KLF6: variants seen among roughly 807,000 people sequenced by gnomAD.
KLF6 encodes Krueppel-like factor 6.
For missense variants in KLF6, 233 were observed against 359.8 expected (o/e 0.65, Z 2.85); for synonymous variants, 152 against 147.9 (o/e 1.03, Z -0.20).
intron 1 of KLF6, chr10:3,783,140 A>T (rs1259187229): frequency 6.6e-6 from 1 of 152,204 alleles, no homozygotes; most frequent in Non-Finnish European, 1.5e-5. Context: ...TCTCATCAGC[A>T]GCCAAATAAG....
chr10:3,776,090 C>T lies in KLF6; in HGVS notation c.*3449G>A. On this transcript the variant is annotated 3_prime_UTR_variant, in exon 4 of 4. Transcript: ENST00000497571. ...CTCTGGCCTGGAGTCCCTCTGCCTCCTCCACCCCTCCCAGACATGCCTCAG... is the reference window on the plus strand; with the variant it reads ...CTCTGGCCTGGAGTCCCTCTGCCTCTTCCACCCCTCCCAGACATGCCTCAG... 1.9e-6 allele frequency: 1 copy of T among 529,258 alleles called. No individual in the cohort carries two copies. Among genetic ancestry groups the T allele is most frequent in the Non-Finnish European group, 3.7e-6 (1 of 272,978 alleles). 32.8% of individuals were successfully genotyped at this position (529,258 alleles called of 1,614,324 possible).
chr10:3,777,931 T>C lies in KLF6; in HGVS notation c.*1608A>G. ...TACATTAACATTGGGGGTTTTTTAA[T>C]ACTTCTGTATCTTTAATATGTGTGA... On this transcript the variant is annotated 3_prime_UTR_variant, in exon 4 of 4. Coordinates refer to ENST00000497571, the MANE Select transcript of KLF6 (RefSeq NM_001300.6). 1 of 489,354 alleles carries C rather than the reference T, an allele frequency of 2.0e-6. No homozygotes were observed. Among genetic ancestry groups the C allele is most frequent in the Non-Finnish European group, 4.0e-6 (1 of 248,410 alleles). The allele number at this position is 489,354 out of a possible 1,614,324, so 30.3% of individuals were successfully genotyped here.
chr10:3,777,758 TAATA>T lies in KLF6; in HGVS notation c.*1777_*1780del, dbSNP rs1832424869. 3.5e-6 allele frequency: 1 copy of T among 284,092 alleles called. No homozygotes were observed. Among genetic ancestry groups the T allele is most frequent in the Non-Finnish European group, 6.7e-6 (1 of 150,358 alleles). The allele number at this position is 284,092 out of a possible 1,614,324, so 17.6% of individuals were successfully genotyped here. A position where few individuals can be genotyped will look rare whatever the true frequency, so the allele number is the denominator to read the frequency against. On this transcript the variant is annotated 3_prime_UTR_variant, in exon 4 of 4. Transcript: ENST00000497571. The stretch of plus-strand genomic sequence containing the variant: ...AATATTTATATATTATCTATATATA[TAATA>T]TATATATATACACACATACACATAC...
rs1039131163 is a variant in KLF6 at position 3,780,541 on chromosome 10, G to A, written c.677-312C>T. 2.3e-5 allele frequency: 10 copies of A among 443,904 alleles called. No homozygotes were observed. Among genetic ancestry groups the A allele is most frequent in the African/African-American group, 8.0e-5 (4 of 49,958 alleles). 27.5% of individuals were successfully genotyped at this position (443,904 alleles called of 1,614,324 possible). ...TTGCGGGATGAGGTGTCAGCCTGCC[G>A]GACCCACAGCCCCGGCAAAGGCAGA... On this transcript the variant is annotated intron_variant, in intron 2 of 3. Coordinates refer to ENST00000497571, the MANE Select transcript of KLF6 (RefSeq NM_001300.6). The surrounding 1 kb of genome is among the most constrained non-coding windows in gnomAD (Gnocchi z 4.6).
At position 3,776,530 on chromosome 10, in the gene KLF6, A is replaced by C. The variant is rs532715241; in HGVS notation, c.*3009T>G. The C allele has an allele frequency of 1.1e-3, 575 of 522,096 alleles. 3 individuals are homozygous for C. Among genetic ancestry groups the C allele is most frequent in the African/African-American group, 4.2e-3 (224 of 53,126 alleles). 32.3% of individuals were successfully genotyped at this position (522,096 alleles called of 1,614,324 possible). On this transcript the variant is annotated 3_prime_UTR_variant, in exon 4 of 4. Coordinates refer to ENST00000497571, the MANE Select transcript of KLF6 (RefSeq NM_001300.6). Reference sequence around the variant, plus strand: ...TCTGTTCCAACAACCCCCTTCCCCCAAAAAAAACAACCAGACTCAAGATGC... The same window carrying C: ...TCTGTTCCAACAACCCCCTTCCCCCCAAAAAAACAACCAGACTCAAGATGC...
Position 3,777,267 on chromosome 10 carries a change from GAAATATCAGCTGTC to G in KLF6, c.*2258_*2271del. ...CACACCCACAAGCCAGCAGCTGGGTGAAATATCAGCTGTCCACGCCGTGGTATGCCAATTCGGGG... is the reference window on the plus strand; with the variant it reads ...CACACCCACAAGCCAGCAGCTGGGTGCACGCCGTGGTATGCCAATTCGGGG... On this transcript the variant is annotated 3_prime_UTR_variant, in exon 4 of 4. Transcript: ENST00000497571. The G allele has an allele frequency of 1.9e-6, 1 of 515,810 alleles. No homozygotes were observed. The highest frequency in any genetic ancestry group is 3.8e-6 in the Non-Finnish European group (1 of 265,182). The allele number at this position is 515,810 out of a possible 1,614,324, so 32.0% of individuals were successfully genotyped here. A position where few individuals can be genotyped will look rare whatever the true frequency, so the allele number is the denominator to read the frequency against.
rs1174726879 is a variant in KLF6, at chr10:3,776,537, A to C, written c.*3002T>G. 2 of 528,150 alleles carry C rather than the reference A, an allele frequency of 3.8e-6. No homozygotes were observed. Among genetic ancestry groups the C allele is most frequent in the Non-Finnish European group, 7.3e-6 (2 of 272,590 alleles). 32.7% of individuals were successfully genotyped at this position (528,150 alleles called of 1,614,324 possible). The stretch of plus-strand genomic sequence containing the variant: ...CAACAACCCCCTTCCCCCAAAAAAA[A>C]CAACCAGACTCAAGATGCTGATAAG... On this transcript the variant is annotated 3_prime_UTR_variant, in exon 4 of 4. Coordinates refer to ENST00000497571, the MANE Select transcript of KLF6 (RefSeq NM_001300.6).
At chr10:3,779,623 T>A in intron 3 of KLF6, 33 bp from the exon 4 acceptor site, 1 of 1,606,394 alleles carries the variant, frequency 6.2e-7, no homozygotes, top group Non-Finnish European at 8.5e-7. Context: ...CAGAAGAAGT[T>A]AGGTTCCCAT....
In KLF6 at chr10:3,778,098, A is replaced by C. The variant is rs771229410; in HGVS notation, c.*1441T>G. 9.7e-6 allele frequency: 5 copies of C among 516,480 alleles called. No individual in the cohort carries two copies. In the East Asian group the frequency reaches 2.1e-4, roughly 22 times the overall value. 32.0% of individuals were successfully genotyped at this position (516,480 alleles called of 1,614,324 possible). On this transcript the variant is annotated 3_prime_UTR_variant, in exon 4 of 4. Coordinates refer to ENST00000497571, the MANE Select transcript of KLF6 (RefSeq NM_001300.6). ...TTTAACACTGACAGTCAAGTTGCCT[A>C]AAGTGTTGAACAAATACTGACATGT...
chr10:3,784,240 C>A (rs1832596607), intron 1 of KLF6, among the ~76,000 whole-genome samples: 1 of 152,192 alleles, frequency 6.6e-6, no homozygotes, highest in African/African-American at 2.4e-5. Context: ...AATTCCAGTT[C>A]TACGACAATG....
rs768728058 is a variant in KLF6 at position 3,781,615 on chromosome 10, C to G, written c.676+26G>C. The G allele has an allele frequency of 2.5e-6, 4 of 1,610,270 alleles. No individual in the cohort carries two copies. Among genetic ancestry groups the G allele is most frequent in the Non-Finnish European group, 3.4e-6 (4 of 1,178,434 alleles). The stretch of plus-strand genomic sequence containing the variant: ...TGCAGTGGCGCCCACCAGCGGCCGC[C>G]CTCCGGGGCCCGCGTGGGCACTGAC... On this transcript the variant is annotated intron_variant, in intron 2 of 3. Transcript: ENST00000497571. This position sits in a 1 kb window ranked among gnomAD's most constrained non-coding sequence, Gnocchi z 5.8.
At chr10:3,779,611 C>T (rs745412500) in intron 3 of KLF6, 21 bp from the exon 4 acceptor site, 1 of 1,613,456 alleles carries the variant, frequency 6.2e-7, no homozygotes, top group South Asian at 1.1e-5. Context: ...AAATCAGAAG[C>T]ACAGAAGAAG....
chr10:3,778,410 C>G lies in KLF6; in HGVS notation c.*1129G>C, dbSNP rs1257031668. 1.9e-6 allele frequency: 1 copy of G among 525,490 alleles called. No individual in the cohort carries two copies. Among genetic ancestry groups the G allele is most frequent in the Non-Finnish European group, 3.7e-6 (1 of 270,728 alleles). 32.6% of individuals were successfully genotyped at this position (525,490 alleles called of 1,614,324 possible). A position where few individuals can be genotyped will look rare whatever the true frequency, so the allele number is the denominator to read the frequency against. ...AGTTTCTAAGCGTTAGTGGTTTTAT[C>G]CACCCAACTGAGAAAAATTTTAGGT... is the stretch of plus-strand genomic sequence containing the variant. On this transcript the variant is annotated 3_prime_UTR_variant, in exon 4 of 4. Coordinates refer to ENST00000497571, the MANE Select transcript of KLF6 (RefSeq NM_001300.6).
chr10:3,781,958 G>A lies in KLF6; in HGVS notation c.359C>T (p.Ser120Phe), dbSNP rs947615559. 3 of 1,614,126 alleles carry A rather than the reference G, an allele frequency of 1.9e-6. No homozygotes were observed. In the Admixed American group the frequency reaches 5.0e-5, roughly 27 times the overall value. ...SESSDSSEEL[S>F]PTAKFTSDPI... ...GTCGGAGGTAAACTTGGCCGTGGGAGAAAGTTCCTCGGAGCTGTCAGAGGA... is the reference window on the plus strand; with the variant it reads ...GTCGGAGGTAAACTTGGCCGTGGGAAAAAGTTCCTCGGAGCTGTCAGAGGA... Residue 120 changes from serine to phenylalanine, a missense_variant, in exon 2 of 4, where the codon TCT becomes TTT. By Grantham distance (155) the Ser-to-Phe change is radical. Coordinates refer to ENST00000497571, the MANE Select transcript of KLF6 (RefSeq NM_001300.6). This position sits in a 1 kb window ranked among gnomAD's most constrained non-coding sequence, Gnocchi z 5.8.
rs1036550069 is a variant in KLF6, at chr10:3,776,245, C to G, written c.*3294G>C. ...TCGTTGTGCAGGTGCCTCTGCAATG[C>G]ATTCCCTGGCTTGAGCAATGGAAGA... On this transcript the variant is annotated 3_prime_UTR_variant, in exon 4 of 4. Transcript: ENST00000497571. 3 of 526,420 alleles carry G rather than the reference C, an allele frequency of 5.7e-6. No individual in the cohort carries two copies. The highest frequency in any genetic ancestry group is 4.6e-5 in the South Asian group (3 of 64,862). 32.6% of individuals were successfully genotyped at this position (526,420 alleles called of 1,614,324 possible).
Position 3,779,725 on chromosome 10 carries a change from T to A in KLF6, c.801-135A>T, listed in dbSNP as rs936737274. The stretch of plus-strand genomic sequence containing the variant: ...AAAGGTGGGATTCTCCTCCCAAGCC[T>A]CATCAGTGTCTTCAGGGACAGGAGA... On this transcript the variant is annotated intron_variant, in intron 3 of 3. Coordinates refer to ENST00000497571, the MANE Select transcript of KLF6 (RefSeq NM_001300.6). 1.5e-5 allele frequency: 12 copies of A among 791,102 alleles called. No individual in the cohort carries two copies. In the African/African-American group the frequency reaches 1.5e-4, roughly 10 times the overall value. The allele number at this position is 791,102 out of a possible 1,614,324, so 49.0% of individuals were successfully genotyped here.
Position 3,777,906 on chromosome 10 carries a change from T to A in KLF6, c.*1633A>T, listed in dbSNP as rs1367333099. 4.1e-6 allele frequency: 2 copies of A among 491,970 alleles called. No individual in the cohort carries two copies. Among genetic ancestry groups the A allele is most frequent in the Middle Eastern group, 5.9e-4 (1 of 1,696 alleles). 30.5% of individuals were successfully genotyped at this position (491,970 alleles called of 1,614,324 possible). ...GTGAAACTTGTGCCTTTTAAGCAAA[T>A]ACATTAACATTGGGGGTTTTTTAAT... On this transcript the variant is annotated 3_prime_UTR_variant, in exon 4 of 4. Transcript: ENST00000497571.
Position 3,781,100 on chromosome 10 carries a change from C to T in KLF6, c.676+541G>A, listed in dbSNP as rs1051880228. Reference sequence around the variant, plus strand: ...CATTTCATTAAGAAACTGTTTCAAGCGGTATCAGAAACAAAGGCTGCATGA... The same window carrying T: ...CATTTCATTAAGAAACTGTTTCAAGTGGTATCAGAAACAAAGGCTGCATGA... On this transcript the variant is annotated intron_variant, in intron 2 of 3. Coordinates refer to ENST00000497571, the MANE Select transcript of KLF6 (RefSeq NM_001300.6). This position sits in a 1 kb window ranked among gnomAD's most constrained non-coding sequence, Gnocchi z 5.8. 2 of 188,774 alleles carry T rather than the reference C, an allele frequency of 1.1e-5. No individual in the cohort carries two copies. Among genetic ancestry groups the T allele is most frequent in the African/African-American group, 4.7e-5 (2 of 42,590 alleles). The allele number at this position is 188,774 out of a possible 1,614,324, so 11.7% of individuals were successfully genotyped here.
Position 3,779,517 on chromosome 10 carries a change from C to G in KLF6, c.*22G>C. On this transcript the variant is annotated 3_prime_UTR_variant, in exon 4 of 4. Transcript: ENST00000497571. ...CTCAGCCTGGAAGCCTTTTAGCCTA[C>G]AGGATCCACCTCTCTGCTCCCTCAG... is the stretch of plus-strand genomic sequence containing the variant. 1 of 1,609,526 alleles carries G rather than the reference C, an allele frequency of 6.2e-7. No individual in the cohort carries two copies. Among genetic ancestry groups the G allele is most frequent in the Non-Finnish European group, 8.5e-7 (1 of 1,175,794 alleles).
Sources: allele counts gnomAD v4.1 joint callset (sites outside exome capture counted in the v4.1 genomes callset), GRCh38; gene constraint gnomAD v4.1.1; non-coding constraint Gnocchi (gnomAD v3.1); transcripts MANE v1.5; gene names NCBI Gene and HGNC (gene_info 2026-07-23, HGNC 2026-07-21).